NRXN1: variants seen among roughly 807,000 people sequenced by gnomAD.
NRXN1 encodes the protein neurexin 1, also known as neurexin-1.
NRXN1 carries 39 observed loss-of-function variants against 150.9 expected under a neutral mutation model. The ratio of observed to expected loss-of-function variants is 0.26; its 90% CI spans 0.20 to 0.34. The LOEUF is 0.34. Ranked by LOEUF, NRXN1 falls within the 10% of genes least tolerant of loss-of-function variation. NRXN1 has a pLI of 1.00. For missense variants in NRXN1, 1,815 were observed against 1,949.9 expected (o/e 0.93, Z 1.30); for synonymous variants, 924 against 757.0 (o/e 1.22, Z -3.62).
At chr2:50,519,827 C>T (rs1045625299) in intron 12 of NRXN1, among the ~76,000 whole-genome samples, 2 of 151,838 alleles carry the variant, frequency 1.3e-5, no homozygotes, top group Admixed American at 6.6e-5. Flanking sequence ...GGTATAATTT[C>T]CATTGGTAGA....
At chr2:50,857,201 C>T (rs901753862) in intron 5 of NRXN1, among the ~76,000 whole-genome samples, 1 of 151,846 alleles carries the variant, frequency 6.6e-6, no homozygotes, top group Non-Finnish European at 1.5e-5. Context: ...AGCTGTGTGC[C>T]CTCTGAGTCA....
intron 21 of NRXN1, among the ~76,000 whole-genome samples, chr2:50,020,284 A>T (rs564174923): frequency 2.6e-4 from 39 of 152,222 alleles, no homozygotes; most frequent in Non-Finnish European, 4.1e-4. Flanking sequence ...AAATGGTTTT[A>T]CTCTTTGTTA....
At chr2:50,088,087 T>C (rs1034448447) in intron 19 of NRXN1, among the ~76,000 whole-genome samples, 1 of 152,084 alleles carries the variant, frequency 6.6e-6, no homozygotes, top group Non-Finnish European at 1.5e-5. Context: ...GTTCTTCTAA[T>C]AAAAATAACC....
intron 2 of NRXN1, among the ~76,000 whole-genome samples, chr2:50,989,144 AAAC>A (rs1233182280): frequency 6.6e-6 from 1 of 152,006 alleles, no homozygotes; most frequent in African/African-American, 2.4e-5. Flanking sequence ...AGTGAGAAAT[AAAC>A]AACATAGTAA....
At chr2:50,520,699 G>T (rs1573376942) in intron 12 of NRXN1, among the ~76,000 whole-genome samples, 1 of 151,680 alleles carries the variant, frequency 6.6e-6, no homozygotes, top group Non-Finnish European at 1.5e-5. Context: ...ATTATTTTTA[G>T]CAGTATAAAA....
intron 18 of NRXN1, among the ~76,000 whole-genome samples, chr2:50,231,263 C>G (rs2064912879): frequency 1.3e-5 from 2 of 151,982 alleles, no homozygotes; most frequent in Non-Finnish European, 1.5e-5. Context: ...CTGGGTTTAT[C>G]TTGTTGATAT....
intron 21 of NRXN1, among the ~76,000 whole-genome samples, chr2:50,040,258 T>C (rs1690725285): frequency 6.6e-6 from 1 of 151,956 alleles, no homozygotes; most frequent in Non-Finnish European, 1.5e-5. Flanking sequence ...AGATAAGAGA[T>C]ATTCTTGTAA....
At chr2:50,162,488 G>C (rs2059421213) in intron 18 of NRXN1, among the ~76,000 whole-genome samples, 1 of 151,930 alleles carries the variant, frequency 6.6e-6, no homozygotes, top group South Asian at 2.1e-4. Flanking sequence ...AAAAGAAATA[G>C]AAAAGAAAAT....
At chr2:50,103,579 A>G (rs1219739737) in intron 18 of NRXN1, among the ~76,000 whole-genome samples, 1 of 151,960 alleles carries the variant, frequency 6.6e-6, no homozygotes, top group African/African-American at 2.4e-5. Context: ...TTTTAAATAA[A>G]TGAAGTTAAA....
At chr2:50,444,461 C>T (rs539810879) in intron 17 of NRXN1, among the ~76,000 whole-genome samples, 88 of 152,228 alleles carry the variant, frequency 5.8e-4, no homozygotes, top group South Asian at 4.6e-3. Context: ...TTTGGATTTA[C>T]AGTCCTGCAG....
At chr2:50,064,584 G>A (rs73931001) in intron 19 of NRXN1, among the ~76,000 whole-genome samples, 3,349 of 152,154 alleles carry the variant, frequency 0.022, 125 homozygotes, top group African/African-American at 0.076. Context: ...TCATCTCCAA[G>A]ACTATATTTT....
At chr2:50,836,242 G>T (rs1672084882) in intron 5 of NRXN1, among the ~76,000 whole-genome samples, 2 of 151,928 alleles carry the variant, frequency 1.3e-5, no homozygotes, top group South Asian at 4.1e-4. Flanking sequence ...TATTTATAGG[G>T]TACAATGTGT....
At chr2:50,505,863 T>TG (rs1181146187) in intron 13 of NRXN1, among the ~76,000 whole-genome samples, 2 of 152,110 alleles carry the variant, frequency 1.3e-5, no homozygotes, top group Non-Finnish European at 2.9e-5. Context: ...GTCACGTGCT[T>TG]GGAGTTGTTT....
chr2:50,826,621 G>C (rs769619210), intron 5 of NRXN1, among the ~76,000 whole-genome samples: 5 of 152,046 alleles, frequency 3.3e-5, no homozygotes, highest in Admixed American at 6.5e-5. Flanking sequence ...TTTAAAGTGC[G>C]GTTCAGTGAG....
rs369398528 is a variant in NRXN1 at position 50,511,764 on chromosome 2, G to GGT, written c.2375-5149_2375-5148dup. Among the ~76,000 whole-genome samples the GGT allele has an allele frequency of 8.6e-5, 13 of 151,804 alleles. No individual in the cohort carries two copies. In the East Asian group the frequency reaches 1.4e-3, roughly 16 times the overall value. ...GTTAGCAAGTATATGTGTGTATGTGGGTGTGTGTGTGTGAGAGGGATAGAG... is the reference window on the plus strand; with the variant it reads ...GTTAGCAAGTATATGTGTGTATGTGGGTGTGTGTGTGTGTGAGAGGGATAGAG... On this transcript the variant is annotated intron_variant, in intron 12 of 22. Coordinates refer to ENST00000401669, the MANE Select transcript of NRXN1 (RefSeq NM_001330078.2).
At chr2:50,560,545 G>GC (rs1668916792) in intron 8 of NRXN1, among the ~76,000 whole-genome samples, 1 of 152,046 alleles carries the variant, frequency 6.6e-6, no homozygotes, top group Non-Finnish European at 1.5e-5. Flanking sequence ...CAATTCTCCT[G>GC]CCTCAGCCTC....
rs184245256 is a variant in NRXN1 at position 50,451,398 on chromosome 2, C to T, written c.3364+14044G>A. On this transcript the variant is annotated intron_variant, in intron 17 of 22. Transcript: ENST00000401669. ...AAAACCATCATTTTTAAAGTCTGCT[C>T]ATTCACTGAACGAGGTATACAAAGC... 9.2e-5 allele frequency among the ~76,000 whole-genome samples: 14 copies of T among 152,308 alleles called. No individual in the cohort carries two copies. The East Asian group carries it at 2.3e-3, about 25-fold the overall frequency.
intron 17 of NRXN1, among the ~76,000 whole-genome samples, chr2:50,397,456 A>T (rs1350599335): frequency 6.6e-6 from 1 of 152,128 alleles, no homozygotes; most frequent in Non-Finnish European, 1.5e-5. Context: ...GGCTCCTTCA[A>T]TGCTAACAGC....
chr2:49,979,984 T>C (rs1679716731), intron 21 of NRXN1, among the ~76,000 whole-genome samples: 1 of 151,632 alleles, frequency 6.6e-6, no homozygotes, highest in Non-Finnish European at 1.5e-5. Flanking sequence ...ATATGCTTTG[T>C]AAAAAGCAAA....
Sources: gnomAD v4.1 joint callset for allele counts (sites outside exome capture counted in the v4.1 genomes callset) on GRCh38, gnomAD v4.1.1 for gene constraint, MANE v1.5 for transcripts, NCBI Gene and HGNC (gene_info 2026-07-23, HGNC 2026-07-21) for gene names.